ZNF804B: variants seen among roughly 807,000 people sequenced by gnomAD.
The protein encoded by ZNF804B is zinc finger 804B.
Under a neutral mutation model 101.4 loss-of-function variants are expected in ZNF804B, and 80 were observed. The observed-to-expected ratio is 0.79, with a 90% CI of 0.66 to 0.95. The LOEUF (loss-of-function observed/expected upper bound fraction) is 0.95. Among genes scored for constraint, ZNF804B ranks in the 40% least tolerant of loss-of-function variants. ZNF804B has a pLI of 0.00. For synonymous variants in ZNF804B, 622 were observed against 558.8 expected, an observed-to-expected ratio of 1.11 and a Z score of -1.59; for missense variants, 1,673 against 1,561.9, an observed-to-expected ratio of 1.07 and a Z score of -1.20.
intron 1 of ZNF804B, among the ~76,000 whole-genome samples, chr7:88,908,050 C>T (rs1792498164): frequency 6.6e-6 from 1 of 151,818 alleles, no homozygotes; most frequent in East Asian, 1.9e-4. Flanking sequence ...TTACCAAATG[C>T]ACTCTGAGGG....
intron 1 of ZNF804B, among the ~76,000 whole-genome samples, chr7:89,154,719 G>A (rs891404748): frequency 1.3e-5 from 2 of 152,068 alleles, no homozygotes; most frequent in Admixed American, 6.6e-5. Context: ...GCTAGGGAGA[G>A]TAATGGGGGG....
rs962150518 is a variant in ZNF804B, at chr7:89,293,798, G to GA, written c.250-33535dup. On this transcript the variant is annotated intron_variant, in intron 2 of 3. Transcript: ENST00000333190. ...AGTGAGACTCCGTCTCAAAAAAAAA[G>GA]AAAAAAAAAAAGAATGCAGAAATGG... Among the ~76,000 whole-genome samples, 281 of 136,368 alleles carry GA rather than the reference G, an allele frequency of 2.1e-3. 1 individual carries two copies. Among genetic ancestry groups the GA allele is most frequent in the African/African-American group, 5.9e-3 (218 of 37,182 alleles). 89.5% of individuals were successfully genotyped at this position (136,368 alleles called of 152,430 possible). A position where few individuals can be genotyped will look rare whatever the true frequency, so the allele number is the denominator to read the frequency against.
chr7:89,099,733 A>G (rs1160704324), intron 1 of ZNF804B, among the ~76,000 whole-genome samples: 1 of 152,166 alleles, frequency 6.6e-6, no homozygotes, highest in Non-Finnish European at 1.5e-5. Flanking sequence ...CATCTAGGTG[A>G]ACTTGTAAGA....
chr7:89,227,446 G>C (rs1042813126), intron 2 of ZNF804B, among the ~76,000 whole-genome samples: 1 of 152,062 alleles, frequency 6.6e-6, no homozygotes, highest in Non-Finnish European at 1.5e-5. Context: ...GAGTGAACCA[G>C]ACAATCATCT....
chr7:88,807,716 T>C (rs1328812266), intron 1 of ZNF804B, among the ~76,000 whole-genome samples: 1 of 152,190 alleles, frequency 6.6e-6, no homozygotes, highest in Admixed American at 6.5e-5. Context: ...AAGCTGTAAC[T>C]CTTCTGTAAG....
chr7:88,968,701 G>A (rs1562846713), intron 1 of ZNF804B, among the ~76,000 whole-genome samples: 1 of 151,468 alleles, frequency 6.6e-6, no homozygotes, highest in Non-Finnish European at 1.5e-5. Context: ...TTTCAGATAG[G>A]AAATGTCACA....
At chr7:88,789,197 T>C (rs531288177) in intron 1 of ZNF804B, among the ~76,000 whole-genome samples, 2 of 152,094 alleles carry the variant, frequency 1.3e-5, no homozygotes, top group Non-Finnish European at 2.9e-5. Flanking sequence ...TTTTTTTGTA[T>C]AGCAACTCAA....
chr7:88,841,620 G>A lies in ZNF804B; in HGVS notation c.108+81536G>A, dbSNP rs1583969851. Among the ~76,000 whole-genome samples the A allele has an allele frequency of 2.6e-5, 4 of 152,208 alleles. No individual in the cohort carries two copies. The South Asian group carries it at 8.3e-4, about 32-fold the overall frequency. ...TCTCCGTAATAAACAGTAACCATAA[G>A]TACAAAAGCTTTCAGAGAGTTGTGT... On this transcript the variant is annotated intron_variant, in intron 1 of 3. Coordinates refer to ENST00000333190, the MANE Select transcript of ZNF804B (RefSeq NM_181646.5).
At chr7:88,834,344 A>C (rs7795815) in intron 1 of ZNF804B, among the ~76,000 whole-genome samples, 14 of 151,414 alleles carry the variant, frequency 9.2e-5, no homozygotes, top group Admixed American at 9.2e-4. Flanking sequence ...ACCTAGTATT[A>C]TGTATTAAGA....
intron 2 of ZNF804B, among the ~76,000 whole-genome samples, chr7:89,252,927 A>G (rs1463090687): frequency 6.6e-6 from 1 of 152,310 alleles, no homozygotes; most frequent in African/African-American, 2.4e-5. Context: ...TACTATGCTC[A>G]GTAACTGGGT....
chr7:89,324,222 A>T (rs1056485061), intron 2 of ZNF804B, among the ~76,000 whole-genome samples: 1 of 151,552 alleles, frequency 6.6e-6, no homozygotes, highest in African/African-American at 2.4e-5. Flanking sequence ...TTTTTCCTCC[A>T]TGCAGTGGGT....
rs999454223 is a variant in ZNF804B, at chr7:89,118,192, C to T, written c.109-99963C>T. On this transcript the variant is annotated intron_variant, in intron 1 of 3. Coordinates refer to ENST00000333190, the MANE Select transcript of ZNF804B (RefSeq NM_181646.5). ...AACTCATAATCTTACAATTGTTTTACGACATAATTATTCATATTCCCATTT... is the reference window on the plus strand; with the variant it reads ...AACTCATAATCTTACAATTGTTTTATGACATAATTATTCATATTCCCATTT... 1.3e-4 allele frequency among the ~76,000 whole-genome samples: 19 copies of T among 151,950 alleles called. 1 individual carries two copies. Among genetic ancestry groups the T allele is most frequent in the South Asian group, 8.3e-4 (4 of 4,814 alleles).
intron 1 of ZNF804B, among the ~76,000 whole-genome samples, chr7:89,010,182 C>T (rs531024588): frequency 6.6e-6 from 1 of 152,004 alleles, no homozygotes. Flanking sequence ...ATTGCGAAGC[C>T]TTACCTTTTT....
chr7:89,287,245 A>G (rs578250038), intron 2 of ZNF804B, among the ~76,000 whole-genome samples: 5 of 152,152 alleles, frequency 3.3e-5, no homozygotes, highest in Non-Finnish European at 7.3e-5. Flanking sequence ...ATCAGAAGTT[A>G]TACTCAGCAT....
chr7:88,785,037 C>T (rs1025559883), intron 1 of ZNF804B, among the ~76,000 whole-genome samples: 4 of 152,064 alleles, frequency 2.6e-5, no homozygotes, highest in Admixed American at 2.0e-4. Flanking sequence ...CAGTCATTAT[C>T]CAGAAATTGA....
chr7:89,323,803 A>G (rs1790856484), intron 2 of ZNF804B, among the ~76,000 whole-genome samples: 1 of 152,124 alleles, frequency 6.6e-6, no homozygotes, highest in Non-Finnish European at 1.5e-5. Context: ...TATGTATGCC[A>G]TGTGCTGTCT....
At chr7:88,823,445 T>C (rs900981674) in intron 1 of ZNF804B, among the ~76,000 whole-genome samples, 5 of 152,158 alleles carry the variant, frequency 3.3e-5, no homozygotes, top group Non-Finnish European at 5.9e-5. Context: ...CAAAGGTGTT[T>C]GACAAATTAT....
intron 1 of ZNF804B, among the ~76,000 whole-genome samples, chr7:88,987,549 T>G (rs910162200): frequency 5.3e-5 from 8 of 152,110 alleles, no homozygotes; most frequent in African/African-American, 1.9e-4. Flanking sequence ...TCTTTAAGTA[T>G]AGGCAGGGCA....
chr7:88,815,975 C>A (rs1477242896), intron 1 of ZNF804B, among the ~76,000 whole-genome samples: 2 of 152,116 alleles, frequency 1.3e-5, no homozygotes, highest in Non-Finnish European at 2.9e-5. Context: ...TCACCCCGTA[C>A]CAGGCCTCTT....
Sources: allele counts gnomAD v4.1 joint callset (sites outside exome capture counted in the v4.1 genomes callset), GRCh38; gene constraint gnomAD v4.1.1; transcripts MANE v1.5; gene names NCBI Gene and HGNC (gene_info 2026-07-23, HGNC 2026-07-21).